MAP3K21: variants seen among roughly 807,000 people sequenced by gnomAD.
The protein encoded by MAP3K21 is mitogen-activated protein kinase kinase kinase 21.
In MAP3K21, 63 loss-of-function variants were observed where a neutral mutation model predicts 86.1. The observed-to-expected ratio is 0.73, with a 90% confidence interval of 0.60 to 0.90. The LOEUF (loss-of-function observed/expected upper bound fraction) is 0.90, where lower values mean the gene tolerates loss of function less well. MAP3K21 is among the 40% of genes least tolerant of loss of function. The pLI is 0.00. For synonymous variants in MAP3K21, 558 were observed against 564.8 expected, an observed-to-expected ratio of 0.99 and a Z score of 0.17; for missense variants, 1,220 against 1,367.7, an observed-to-expected ratio of 0.89 and a Z score of 1.70.
intron 3 of MAP3K21, among the ~76,000 whole-genome samples, chr1:233,354,266 T>A (rs1558456348): frequency 6.6e-6 from 1 of 152,224 alleles, no homozygotes; most frequent in Non-Finnish European, 1.5e-5. Flanking sequence ...TGGCTCCAAA[T>A]CTGCTATTTT....
At chr1:233,361,963 G>A (rs1181982947) in intron 4 of MAP3K21, 90 bp from the exon 5 acceptor site, 4 of 1,469,548 alleles carry the variant, frequency 2.7e-6, no homozygotes, top group East Asian at 2.5e-5. Context: ...GGAGGAGCCC[G>A]TGGCCGAGGG....
chr1:233,333,270 C>G (rs1662846067), intron 1 of MAP3K21, among the ~76,000 whole-genome samples: 1 of 152,176 alleles, frequency 6.6e-6, no homozygotes, highest in African/African-American at 2.4e-5. Flanking sequence ...CATGTAGCTT[C>G]ATGCTATAGC....
At chr1:233,336,554 T>TAAATA (rs1553337150) in intron 1 of MAP3K21, among the ~76,000 whole-genome samples, 51 of 150,916 alleles carry the variant, frequency 3.4e-4, no homozygotes, top group African/African-American at 1.0e-3. Flanking sequence ...AATAAATAAA[T>TAAATA]AAATAAAATA....
intron 5 of MAP3K21, among the ~76,000 whole-genome samples, chr1:233,364,374 G>A (rs753549338): frequency 2.2e-4 from 33 of 152,108 alleles, no homozygotes; most frequent in Non-Finnish European, 4.9e-4. Flanking sequence ...TTTCAGTTAT[G>A]TCAGTTTTCT....
intron 6 of MAP3K21, chr1:233,373,248 C>T (rs1362142215): frequency 6.6e-6 from 1 of 152,152 alleles, no homozygotes; most frequent in African/African-American, 2.4e-5. Context: ...GAGAAAGGGT[C>T]CCAGGCTGGT....
chr1:233,336,124 T>G (rs964016674), intron 1 of MAP3K21, among the ~76,000 whole-genome samples: 11 of 152,236 alleles, frequency 7.2e-5, no homozygotes, highest in African/African-American at 2.7e-4. Flanking sequence ...TAACATGTTC[T>G]GCCTCATTTT....
At chr1:233,354,010 A>T in intron 3 of MAP3K21, 55 bp downstream of exon 3, 2 of 1,379,740 alleles carry the variant, frequency 1.4e-6, no homozygotes, top group Non-Finnish European at 1.9e-6. Context: ...TCATTAGAAT[A>T]TCATTTTTTA....
chr1:233,366,643 G>A (rs1441611985), intron 5 of MAP3K21, among the ~76,000 whole-genome samples: 2 of 152,186 alleles, frequency 1.3e-5, no homozygotes, highest in Non-Finnish European at 1.5e-5. Context: ...TGCATAATAA[G>A]CTTAGAGAAT....
intron 1 of MAP3K21, among the ~76,000 whole-genome samples, chr1:233,343,368 C>T (rs1028054512): frequency 2.0e-5 from 3 of 152,138 alleles, no homozygotes; most frequent in Non-Finnish European, 4.4e-5. Flanking sequence ...TTCATTTACT[C>T]CTCCCTACAA....
intron 2 of MAP3K21, among the ~76,000 whole-genome samples, chr1:233,350,676 T>C (rs1441280527): frequency 1.3e-5 from 2 of 152,192 alleles, no homozygotes; most frequent in Non-Finnish European, 2.9e-5. Context: ...ACAGCTCTTA[T>C]TATCCTGGTT....
At position 233,339,377 on chromosome 1, in the gene MAP3K21, T is replaced by TC. The variant is rs1558451241; in HGVS notation, c.806-7064dup. ...CTCTTCTCCTTCTCCTCCTTCTCCT[T>TC]CTTCTCCTTCTTCTCCTCCTTCTCC... On this transcript the variant is annotated intron_variant, in intron 1 of 9. Transcript: ENST00000366624. 1.6e-4 allele frequency among the ~76,000 whole-genome samples: 8 copies of TC among 50,580 alleles called. 1 individual carries two copies. The South Asian group carries it at 2.4e-3, about 15-fold the overall frequency. 33.2% of individuals were successfully genotyped at this position (50,580 alleles called of 152,430 possible). A position where few individuals can be genotyped will look rare whatever the true frequency, so the allele number is the denominator to read the frequency against.
At chr1:233,344,104 T>A (rs564708773) in intron 1 of MAP3K21, among the ~76,000 whole-genome samples, 3 of 152,222 alleles carry the variant, frequency 2.0e-5, no homozygotes, top group African/African-American at 7.2e-5. Flanking sequence ...GAGGAGTGAA[T>A]GAAATGCTCA....
rs192821778 is a variant in MAP3K21 at position 233,355,618 on chromosome 1, T to C, written c.1311+607T>C. 3.3e-3 allele frequency among the ~76,000 whole-genome samples: 495 copies of C among 152,294 alleles called. 3 individuals are homozygous for C. The highest frequency in any genetic ancestry group is 0.012 in the Admixed American group (179 of 15,298). On this transcript the variant is annotated intron_variant, in intron 4 of 9. Coordinates refer to ENST00000366624, the MANE Select transcript of MAP3K21 (RefSeq NM_032435.3). ...TTTAAAAGGGGCTGCATATAATCTC[T>C]TGAAGCCAGACATTGAAGCAGAAGC... is the stretch of plus-strand genomic sequence containing the variant.
intron 5 of MAP3K21, among the ~76,000 whole-genome samples, chr1:233,366,763 T>C (rs1382692049): frequency 1.3e-5 from 2 of 152,270 alleles, no homozygotes; most frequent in African/African-American, 4.8e-5. Flanking sequence ...CTTGTAACTT[T>C]GTCCTCGAGA....
intron 2 of MAP3K21, among the ~76,000 whole-genome samples, chr1:233,351,677 A>G (rs1663254825): frequency 6.9e-6 from 1 of 145,168 alleles, no homozygotes; most frequent in Admixed American, 7.0e-5. Context: ...AGCCTGGGAG[A>G]CAGAGCGAGA....
chr1:233,356,777 G>A (rs1431224983), intron 4 of MAP3K21, among the ~76,000 whole-genome samples: 1 of 152,204 alleles, frequency 6.6e-6, no homozygotes, highest in Non-Finnish European at 1.5e-5. Flanking sequence ...CTCACTCAAT[G>A]TTGTGGATAG....
intron 5 of MAP3K21, among the ~76,000 whole-genome samples, chr1:233,370,927 A>G (rs767933856): frequency 2.0e-4 from 31 of 152,244 alleles, no homozygotes; most frequent in Non-Finnish European, 4.3e-4. Context: ...AACTCAGTCC[A>G]TAGAAAAGCA....
chr1:233,358,473 G>GTTTTTTTTT (rs58298146), intron 4 of MAP3K21, among the ~76,000 whole-genome samples: 2 of 141,642 alleles, frequency 1.4e-5, no homozygotes, highest in Non-Finnish European at 1.5e-5. Context: ...ACTCTAATTT[G>GTTTTTTTTT]TTTTTTTTTT....
chr1:233,359,252 G>A (rs927143567), intron 4 of MAP3K21, among the ~76,000 whole-genome samples: 12 of 152,104 alleles, frequency 7.9e-5, no homozygotes, highest in African/African-American at 2.4e-4. Flanking sequence ...TCTACTTTGC[G>A]ATTTGTAGTA....
Sources: gnomAD v4.1 joint callset for allele counts (sites outside exome capture counted in the v4.1 genomes callset) on GRCh38, gnomAD v4.1.1 for gene constraint, MANE v1.5 for transcripts, NCBI Gene and HGNC (gene_info 2026-07-23, HGNC 2026-07-21) for gene names.